DPF3: variants seen among roughly 807,000 people sequenced by gnomAD.
The protein encoded by DPF3 is double PHD fingers 3.
Under a neutral mutation model 56.8 loss-of-function variants are expected in DPF3, and 18 were observed. The ratio of observed to expected loss-of-function variants is 0.32; its 90% CI spans 0.22 to 0.47. The LOEUF is 0.47. Among genes scored for constraint, DPF3 ranks in the 20% least tolerant of loss-of-function variants. The pLI, the probability that DPF3 is intolerant of heterozygous loss-of-function variation, is 1.00. For synonymous variants in DPF3, 188 were observed against 180.2 expected (o/e 1.04, Z -0.35); for missense variants, 403 against 488.8 (o/e 0.82, Z 1.65).
chr14:72,716,363 C>T (rs1472198308), intron 5 of DPF3, among the ~76,000 whole-genome samples: 1 of 152,080 alleles, frequency 6.6e-6, no homozygotes, highest in Non-Finnish European at 1.5e-5. Context: ...CTTCAGGGGA[C>T]ATGCAAGGGA....
In DPF3 at chr14:72,691,649, C is replaced by T. The variant is rs570012137; in HGVS notation, c.742+1427G>A. ...GGCTGAGGCAGGAGAATCGCTTGAACCTGGAAGGCAGAGGTTGCAGTGAGC... is the reference window on the plus strand; with the variant it reads ...GGCTGAGGCAGGAGAATCGCTTGAATCTGGAAGGCAGAGGTTGCAGTGAGC... On this transcript the variant is annotated intron_variant, in intron 7 of 10. Transcript: ENST00000556509. Among the ~76,000 whole-genome samples the T allele has an allele frequency of 9.2e-5, 14 of 152,040 alleles. 1 individual carries two copies. In the South Asian group the frequency reaches 2.9e-3, roughly 32 times the overall value.
At chr14:72,805,046 C>A (rs1465852410) in intron 1 of DPF3, among the ~76,000 whole-genome samples, 1 of 26,004 alleles carries the variant, frequency 3.8e-5, no homozygotes, top group South Asian at 1.2e-3. Context: ...AGTCCCACAG[C>A]CCTGGACACA....
At chr14:72,716,400 G>A (rs551492512) in intron 5 of DPF3, among the ~76,000 whole-genome samples, 2 of 152,224 alleles carry the variant, frequency 1.3e-5, no homozygotes, top group South Asian at 4.1e-4. Context: ...AGCACTCTTA[G>A]GGTCTCTTAG....
intron 7 of DPF3, among the ~76,000 whole-genome samples, chr14:72,679,521 A>G (rs1006008333): frequency 3.3e-5 from 5 of 151,774 alleles, no homozygotes; most frequent in Non-Finnish European, 4.4e-5. Flanking sequence ...GTTGGGGTGC[A>G]CAGCCCTTGG....
chr14:72,700,734 AT>A (rs1888122638), intron 6 of DPF3, among the ~76,000 whole-genome samples: 1 of 152,176 alleles, frequency 6.6e-6, no homozygotes, highest in South Asian at 2.1e-4. Context: ...TGACTCTGTG[AT>A]CTTGGGCAAG....
chr14:72,826,278 A>C (rs776833870), intron 1 of DPF3, among the ~76,000 whole-genome samples: 4 of 152,202 alleles, frequency 2.6e-5, no homozygotes, highest in Non-Finnish European at 2.9e-5. Context: ...TGGGAAGATG[A>C]TAATGGTTTT....
Position 72,861,026 on chromosome 14 carries a change from T to TAC in DPF3, c.32+33029_32+33030dup, listed in dbSNP as rs10570653. ...TGTGCTTTCTTATCTGTTCTCACTA[T>TAC]ACACACACACACACACACACACACA... On this transcript the variant is annotated intron_variant, in intron 1 of 10. Transcript: ENST00000556509. 7.8e-4 allele frequency among the ~76,000 whole-genome samples: 115 copies of TAC among 147,974 alleles called. 1 individual carries two copies. Among genetic ancestry groups the TAC allele is most frequent in the Middle Eastern group, 6.8e-3 (2 of 294 alleles).
intron 1 of DPF3, among the ~76,000 whole-genome samples, chr14:72,789,252 A>G (rs1156989333): frequency 1.3e-5 from 2 of 151,978 alleles, no homozygotes; most frequent in African/African-American, 4.8e-5. Flanking sequence ...CAGGAACCAC[A>G]TTTCATCTCC....
intron 8 of DPF3, among the ~76,000 whole-genome samples, chr14:72,652,462 G>T (rs1360251365): frequency 1.3e-5 from 2 of 152,168 alleles, no homozygotes; most frequent in African/African-American, 2.4e-5. Flanking sequence ...GATGGTGCTG[G>T]GGGGAGGCGG....
chr14:72,631,042 A>G (rs1433460833), intron 8 of DPF3, among the ~76,000 whole-genome samples: 1 of 152,158 alleles, frequency 6.6e-6, no homozygotes, highest in African/African-American at 2.4e-5. Flanking sequence ...CATCATGACC[A>G]TTTGGATGAA....
chr14:72,731,459 G>A (rs938784154), intron 4 of DPF3: 5 of 223,120 alleles, frequency 2.2e-5, no homozygotes, highest in Non-Finnish European at 3.6e-5. Context: ...TTCAAGCCTA[G>A]ACAATGGACT....
chr14:72,718,417 G>C (rs1437486355), intron 5 of DPF3, among the ~76,000 whole-genome samples: 1 of 152,172 alleles, frequency 6.6e-6, no homozygotes, highest in African/African-American at 2.4e-5. Flanking sequence ...ACTCTGCAGT[G>C]TCTGAACTAT....
At chr14:72,752,271 CAA>C (rs1890610421) in intron 3 of DPF3, among the ~76,000 whole-genome samples, 1 of 152,192 alleles carries the variant, frequency 6.6e-6, no homozygotes, top group South Asian at 2.1e-4. Context: ...CCCTCAAAAA[CAA>C]AGATGCGTTT....
chr14:72,715,200 T>G (rs1354226641), intron 5 of DPF3, among the ~76,000 whole-genome samples: 2 of 152,198 alleles, frequency 1.3e-5, no homozygotes, highest in African/African-American at 4.8e-5. Flanking sequence ...ACCCCCATGG[T>G]CTCCTGGGCT....
At chr14:72,805,641 T>C (rs1391851834) in intron 1 of DPF3, among the ~76,000 whole-genome samples, 2 of 151,152 alleles carry the variant, frequency 1.3e-5, no homozygotes, top group South Asian at 2.1e-4. Flanking sequence ...AGGTCAGGAG[T>C]TCAAGACCAG....
rs540640863 is a variant in DPF3 at position 72,611,123 on chromosome 14, C to A, written c.*8174G>T. ...GAGCCTTCCCTTGGGCCACCCCCCA[C>A]AGAGAAGCTATAGCTCTGAGCCAAC... On this transcript the variant is annotated 3_prime_UTR_variant, in exon 11 of 11. Coordinates refer to ENST00000556509, the MANE Select transcript of DPF3 (RefSeq NM_001280542.3). Among the ~76,000 whole-genome samples the A allele has an allele frequency of 6.6e-6, 1 of 151,840 alleles. No individual in the cohort carries two copies. The highest frequency in any genetic ancestry group is 2.0e-4 in the East Asian group (1 of 5,108).
intron 1 of DPF3, among the ~76,000 whole-genome samples, chr14:72,789,352 G>A (rs1892336425): frequency 1.3e-5 from 2 of 152,078 alleles, no homozygotes; most frequent in South Asian, 2.1e-4. Context: ...ACAGGCCCAC[G>A]GTCACTTGGT....
intron 1 of DPF3, among the ~76,000 whole-genome samples, chr14:72,796,624 G>A (rs957868108): frequency 7.2e-5 from 11 of 152,200 alleles, no homozygotes; most frequent in African/African-American, 2.7e-4. Flanking sequence ...CTATGTCTCA[G>A]ACACTACAAT....
chr14:72,881,826 T>C (rs1200604796), intron 1 of DPF3, among the ~76,000 whole-genome samples: 1 of 152,168 alleles, frequency 6.6e-6, no homozygotes, highest in Non-Finnish European at 1.5e-5. Flanking sequence ...GGTCTGCCAC[T>C]GAGATGGCTG....
Sources: allele counts gnomAD v4.1 joint callset (sites outside exome capture counted in the v4.1 genomes callset), GRCh38; gene constraint gnomAD v4.1.1; transcripts MANE v1.5; gene names NCBI Gene and HGNC (gene_info 2026-07-23, HGNC 2026-07-21).